The following MAP2K1 variants were observed in gnomAD, a reference collection of about 807,000 sequenced individuals.
The protein encoded by MAP2K1 is mitogen-activated protein kinase kinase 1, also known as dual specificity mitogen-activated protein kinase kinase 1.
MAP2K1 carries 16 observed loss-of-function variants against 46.3 expected under a neutral mutation model. That is an observed-to-expected ratio of 0.35 (90% confidence interval 0.23 to 0.52). MAP2K1 has a LOEUF of 0.52. MAP2K1 is among the 20% of genes least tolerant of loss of function. MAP2K1 has a pLI of 0.94. For missense variants in MAP2K1, 263 were observed against 497.1 expected, an observed-to-expected ratio of 0.53 and a Z score of 4.48; for synonymous variants, 183 against 185.6, an observed-to-expected ratio of 0.99 and a Z score of 0.11.
At chr15:66,432,959 A>AGAGTGTGTGT (rs1555415885) in intron 1 of MAP2K1, among the ~76,000 whole-genome samples, 1 of 131,904 alleles carries the variant, frequency 7.6e-6, no homozygotes, top group African/African-American at 2.8e-5. Context: ...CATCATGCAC[A>AGAGTGTGTGT]GTGTGTGTGT....
chr15:66,480,321 C>A (rs1231891084), intron 5 of MAP2K1, among the ~76,000 whole-genome samples: 1 of 152,112 alleles, frequency 6.6e-6, no homozygotes, highest in Non-Finnish European at 1.5e-5. Flanking sequence ...AACTCCTGAC[C>A]TCAGGTGATC....
intron 1 of MAP2K1, among the ~76,000 whole-genome samples, chr15:66,425,763 A>T (rs2093456601): frequency 6.6e-6 from 1 of 152,234 alleles, no homozygotes. Flanking sequence ...ACAATATCCC[A>T]CTTCATAGTG....
rs570210979 is a variant in MAP2K1 at position 66,417,309 on chromosome 15, C to G, written c.81-17718C>G. Among the ~76,000 whole-genome samples, 18 of 152,286 alleles carry G rather than the reference C, an allele frequency of 1.2e-4. No individual in the cohort carries two copies. The South Asian group carries it at 3.7e-3, about 32-fold the overall frequency. ...TGTTGACCAGGTGCAGTGTCTTACG[C>G]CTGTAATCCCCGCACTTTGGGAGGC... On this transcript the variant is annotated intron_variant, in intron 1 of 10. Transcript: ENST00000307102.
intron 1 of MAP2K1, among the ~76,000 whole-genome samples, chr15:66,396,003 C>G (rs1341790943): frequency 6.6e-6 from 1 of 152,108 alleles, no homozygotes; most frequent in African/African-American, 2.4e-5. Flanking sequence ...TGGTACCCAT[C>G]TTTTTTGTTT....
At chr15:66,460,187 G>A (rs180897228) in intron 5 of MAP2K1, among the ~76,000 whole-genome samples, 4 of 152,318 alleles carry the variant, frequency 2.6e-5, no homozygotes, top group Admixed American at 2.6e-4. Flanking sequence ...AGACAGAGTG[G>A]CTCATTAGTA....
At chr15:66,413,600 C>T (rs781544245) in intron 1 of MAP2K1, among the ~76,000 whole-genome samples, 1 of 149,674 alleles carries the variant, frequency 6.7e-6, no homozygotes, top group East Asian at 2.0e-4. Context: ...ACTGCAAATT[C>T]TCATCCATTT....
At chr15:66,415,960 A>G (rs971780752) in intron 1 of MAP2K1, among the ~76,000 whole-genome samples, 3 of 152,124 alleles carry the variant, frequency 2.0e-5, no homozygotes, top group Admixed American at 2.0e-4. Flanking sequence ...GCCTGGTAAT[A>G]TTACAGAAGT....
chr15:66,390,229 G>C (rs945043073), intron 1 of MAP2K1, among the ~76,000 whole-genome samples: 5 of 152,236 alleles, frequency 3.3e-5, no homozygotes, highest in Non-Finnish European at 7.4e-5. Context: ...AACAGGGACT[G>C]TTTCCCTGTG....
At chr15:66,473,390 A>T (rs1892684841) in intron 5 of MAP2K1, among the ~76,000 whole-genome samples, 1 of 152,114 alleles carries the variant, frequency 6.6e-6, no homozygotes. Flanking sequence ...GCCTGGGCAA[A>T]GCTGGGAGAC....
chr15:66,397,327 C>G (rs2093370580), intron 1 of MAP2K1, among the ~76,000 whole-genome samples: 1 of 152,030 alleles, frequency 6.6e-6, no homozygotes, highest in Non-Finnish European at 1.5e-5. Flanking sequence ...ATGGTGTGAC[C>G]TCGGTCATAT....
chr15:66,448,173 A>AAAAAAAAAC (rs398027714), intron 5 of MAP2K1, among the ~76,000 whole-genome samples: 1 of 149,804 alleles, frequency 6.7e-6, no homozygotes, highest in African/African-American at 2.5e-5. Flanking sequence ...AAAAAAAAAA[A>AAAAAAAAAC]CCCACTATTT....
At chr15:66,484,938 C>A in intron 6 of MAP2K1, 52 bp from the exon 7 acceptor site, 2 of 1,469,812 alleles carry the variant, frequency 1.4e-6, no homozygotes, top group South Asian at 2.3e-5. Flanking sequence ...CATTAGCAGA[C>A]CCAGGGGTCC....
At chr15:66,433,301 A>G (rs1176894465) in intron 1 of MAP2K1, among the ~76,000 whole-genome samples, 1 of 152,196 alleles carries the variant, frequency 6.6e-6, no homozygotes, top group African/African-American at 2.4e-5. Flanking sequence ...GACTGCTATG[A>G]TAACATATCA....
chr15:66,425,577 A>G (rs1306327867), intron 1 of MAP2K1, among the ~76,000 whole-genome samples: 1 of 152,114 alleles, frequency 6.6e-6, no homozygotes, highest in African/African-American at 2.4e-5. Flanking sequence ...GCCAGGACAG[A>G]GCTGGTCTTT....
intron 3 of MAP2K1, among the ~76,000 whole-genome samples, chr15:66,442,613 T>A (rs1026003578): frequency 6.6e-6 from 1 of 152,182 alleles, no homozygotes; most frequent in Admixed American, 6.5e-5. Flanking sequence ...ACCACAACAA[T>A]CAACACAGAA....
chr15:66,471,677 C>G (rs1237933716), intron 5 of MAP2K1, among the ~76,000 whole-genome samples: 1 of 151,644 alleles, frequency 6.6e-6, no homozygotes, highest in African/African-American at 2.4e-5. Flanking sequence ...TTTGTATCAG[C>G]TAACCAAACC....
intron 1 of MAP2K1, among the ~76,000 whole-genome samples, chr15:66,414,680 C>T (rs2140542875): frequency 6.6e-6 from 1 of 152,242 alleles, no homozygotes; most frequent in South Asian, 2.1e-4. Context: ...AATCTCTAGC[C>T]CTTTTACTCA....
chr15:66,488,671 T>C (rs1222988838), intron 8 of MAP2K1: 2 of 188,778 alleles, frequency 1.1e-5, no homozygotes, highest in African/African-American at 4.7e-5. Context: ...CAGTTAATGT[T>C]TTATTAACTT....
intron 8 of MAP2K1, 36 bp from the exon 9 acceptor site, chr15:66,489,179 G>A: frequency 6.4e-7 from 1 of 1,570,546 alleles, no homozygotes; most frequent in African/African-American, 1.3e-5. Context: ...GGAGCAAGGA[G>A]CCAGGCATTT....
Sources: allele counts gnomAD v4.1 joint callset (sites outside exome capture counted in the v4.1 genomes callset), GRCh38; gene constraint gnomAD v4.1.1; transcripts MANE v1.5; gene names NCBI Gene and HGNC (gene_info 2026-07-23, HGNC 2026-07-21).